Variants in MAD1L1 observed in about 807,000 individuals in gnomAD.
The protein encoded by MAD1L1 is mitotic arrest deficient 1 like 1.
In MAD1L1, 95 loss-of-function variants were observed where a neutral mutation model predicts 96.9. The observed-to-expected ratio is 0.98, with a 90% confidence interval of 0.83 to 1.16. The LOEUF is 1.16. Ranked by LOEUF, MAD1L1 falls within the 50% of genes most tolerant of loss-of-function variation. MAD1L1 has a pLI of 0.00. For missense variants in MAD1L1, 1,007 were observed against 954.4 expected, an observed-to-expected ratio of 1.06 and a Z score of -0.73; for synonymous variants, 473 against 396.6, an observed-to-expected ratio of 1.19 and a Z score of -2.29.
intron 11 of MAD1L1, among the ~76,000 whole-genome samples, chr7:2,123,304 C>CAAA (rs56201563): frequency 0.34 from 37,192 of 108,040 alleles, 6,359 homozygotes; most frequent in East Asian, 0.5. Flanking sequence ...GACTCCATCT[C>CAAA]AAAAAAAAAA....
intron 12 of MAD1L1, among the ~76,000 whole-genome samples, chr7:2,050,191 G>A (rs962645231): frequency 3.4e-5 from 5 of 148,810 alleles, no homozygotes; most frequent in Non-Finnish European, 6.0e-5. Flanking sequence ...CAGCGTCTGC[G>A]GGCACCAGAC....
intron 18 of MAD1L1, among the ~76,000 whole-genome samples, chr7:1,827,837 G>C (rs1317124379): frequency 6.6e-6 from 1 of 150,480 alleles, no homozygotes; most frequent in Non-Finnish European, 1.5e-5. Context: ...GGGCTAGACA[G>C]CACCACCCTT....
chr7:2,057,491 A>G lies in MAD1L1; in HGVS notation c.1218+11703T>C, dbSNP rs189303207. ...ATTGCACCACTGCACTCCAGCCTGG[A>G]CATCAGAACAAGACTCCATTCCCCC... On this transcript the variant is annotated intron_variant, in intron 12 of 18. Transcript: ENST00000265854. Among the ~76,000 whole-genome samples, 17 of 152,274 alleles carry G rather than the reference A, an allele frequency of 1.1e-4. No individual in the cohort carries two copies. In the East Asian group the frequency reaches 2.9e-3, roughly 26 times the overall value.
chr7:1,851,216 C>T (rs1583555531), intron 18 of MAD1L1, among the ~76,000 whole-genome samples: 1 of 152,132 alleles, frequency 6.6e-6, no homozygotes, highest in Admixed American at 6.5e-5. Flanking sequence ...AGCCCGGCCT[C>T]GGCCGGCACA....
chr7:1,829,890 G>C (rs549747172), intron 18 of MAD1L1, among the ~76,000 whole-genome samples: 2 of 152,136 alleles, frequency 1.3e-5, no homozygotes, highest in African/African-American at 4.8e-5. Flanking sequence ...ACTTCTCAGA[G>C]GAAATACTGG....
chr7:2,032,770 G>C (rs538442281), intron 12 of MAD1L1, among the ~76,000 whole-genome samples: 2 of 152,176 alleles, frequency 1.3e-5, no homozygotes, highest in African/African-American at 4.8e-5. Context: ...CAAGTGGTGA[G>C]GGGGGTGGCG....
chr7:2,119,642 G>C lies in MAD1L1; in HGVS notation c.1073+29510C>G, dbSNP rs1454768643. Among the ~76,000 whole-genome samples, 1 of 152,192 alleles carries C rather than the reference G, an allele frequency of 6.6e-6. No individual in the cohort carries two copies. The highest frequency in any genetic ancestry group is 1.5e-5 in the Non-Finnish European group (1 of 68,032). ...AGGTGGGCTACAGCTGCAGGACAGAGGGCTGGAGCTCTGGAGGGTAACCTG... is the reference window on the plus strand; with the variant it reads ...AGGTGGGCTACAGCTGCAGGACAGACGGCTGGAGCTCTGGAGGGTAACCTG... On this transcript the variant is annotated intron_variant, in intron 11 of 18. Coordinates refer to ENST00000265854, the MANE Select transcript of MAD1L1 (RefSeq NM_001013836.2). The surrounding 1 kb of genome is among the most constrained non-coding windows in gnomAD (Gnocchi z 4.6).
chr7:1,907,346 C>T (rs1787724395), intron 17 of MAD1L1, among the ~76,000 whole-genome samples: 1 of 152,248 alleles, frequency 6.6e-6, no homozygotes, highest in Non-Finnish European at 1.5e-5. Context: ...GGACTGGAGG[C>T]AGCTTCGGAA....
chr7:2,101,085 G>C (rs1409236150), intron 11 of MAD1L1, among the ~76,000 whole-genome samples: 1 of 152,166 alleles, frequency 6.6e-6, no homozygotes, highest in African/African-American at 2.4e-5. Flanking sequence ...TGTTTTCAAC[G>C]GCTTCCTTCC....
At chr7:2,061,154 T>C (rs548533620) in intron 12 of MAD1L1, among the ~76,000 whole-genome samples, 4 of 152,042 alleles carry the variant, frequency 2.6e-5, no homozygotes, top group East Asian at 3.9e-4. Context: ...CTAACCAACA[T>C]GGTGAGACCC....
intron 18 of MAD1L1, among the ~76,000 whole-genome samples, chr7:1,853,832 GC>G (rs1784102818): frequency 6.6e-6 from 1 of 152,128 alleles, no homozygotes; most frequent in Admixed American, 6.5e-5. Context: ...AGCCTGGGTG[GC>G]CGAGCAGGGG....
At chr7:2,105,875 A>G (rs1304850393) in intron 11 of MAD1L1, among the ~76,000 whole-genome samples, 1 of 151,650 alleles carries the variant, frequency 6.6e-6, no homozygotes, top group African/African-American at 2.4e-5. Flanking sequence ...AAAGGCCCCC[A>G]TCGTCACAGA....
chr7:1,912,717 C>T (rs1248813006), intron 17 of MAD1L1, among the ~76,000 whole-genome samples: 2 of 152,220 alleles, frequency 1.3e-5, no homozygotes, highest in African/African-American at 2.4e-5. Flanking sequence ...ACCGCGCACG[C>T]ACCTCCCAGA....
At chr7:2,020,270 C>G (rs1782728802) in intron 12 of MAD1L1, among the ~76,000 whole-genome samples, 2 of 152,190 alleles carry the variant, frequency 1.3e-5, no homozygotes, top group Admixed American at 1.3e-4. Flanking sequence ...GGGCACTAAC[C>G]CCCGCTCTGG....
chr7:1,936,610 G>A (rs1232318048), intron 17 of MAD1L1, 77 bp downstream of exon 17: 16 of 1,417,924 alleles, frequency 1.1e-5, no homozygotes, highest in Middle Eastern at 2.4e-4. Flanking sequence ...GGCGCCTGAG[G>A]CTGCCCCAAA....
At chr7:2,145,638 TC>T (rs1180681345) in intron 11 of MAD1L1, among the ~76,000 whole-genome samples, 4 of 152,186 alleles carry the variant, frequency 2.6e-5, no homozygotes, top group African/African-American at 4.8e-5. Flanking sequence ...GGTGATGGCT[TC>T]CGGCTCGGCA....
intron 11 of MAD1L1, among the ~76,000 whole-genome samples, chr7:2,112,293 T>C (rs181337251): frequency 2.6e-5 from 4 of 152,180 alleles, no homozygotes; most frequent in Admixed American, 1.3e-4. Context: ...TGAGGCTGTA[T>C]AGACAGTTTT....
chr7:2,210,322 C>T (rs574483768), intron 10 of MAD1L1, among the ~76,000 whole-genome samples: 1 of 152,318 alleles, frequency 6.6e-6, no homozygotes, highest in East Asian at 1.9e-4. Flanking sequence ...CCCCCTGCGG[C>T]AGCCTCCCAA....
At chr7:1,978,012 G>T (rs998038978) in intron 15 of MAD1L1, among the ~76,000 whole-genome samples, 6 of 152,222 alleles carry the variant, frequency 3.9e-5, no homozygotes, top group Non-Finnish European at 5.9e-5. Flanking sequence ...GACCTTGCAG[G>T]GTCAGGCACC....
Sources: allele counts gnomAD v4.1 joint callset (sites outside exome capture counted in the v4.1 genomes callset), GRCh38; gene constraint gnomAD v4.1.1; non-coding constraint Gnocchi (gnomAD v3.1); transcripts MANE v1.5; gene names NCBI Gene and HGNC (gene_info 2026-07-23, HGNC 2026-07-21).